Variants in SUGCT observed in about 807,000 individuals in gnomAD.
SUGCT encodes succinyl-CoA:glutarate CoA-transferase.
SUGCT carries 41 observed loss-of-function variants against 55.0 expected under a neutral mutation model. The ratio of observed to expected loss-of-function variants is 0.74; its 90% CI spans 0.58 to 0.97. The LOEUF (loss-of-function observed/expected upper bound fraction) is 0.97, where lower values mean the gene tolerates loss of function less well. Among genes scored for constraint, SUGCT ranks in the 50% least tolerant of loss-of-function variants. The probability of loss-of-function intolerance (pLI) is 0.00; values close to 1 mark genes in which losing one functional copy is unlikely to be tolerated. For missense variants in SUGCT, 568 were observed against 547.8 expected, an observed-to-expected ratio of 1.04 and a Z score of -0.37; for synonymous variants, 187 against 200.4, an observed-to-expected ratio of 0.93 and a Z score of 0.56.
intron 12 of SUGCT, among the ~76,000 whole-genome samples, chr7:40,703,545 A>C (rs563531073): frequency 6.6e-6 from 1 of 152,192 alleles, no homozygotes; most frequent in African/African-American, 2.4e-5. Flanking sequence ...GAAAAGTGAT[A>C]AACTCCTTTC....
chr7:40,510,474 T>C (rs1044965716), intron 12 of SUGCT, among the ~76,000 whole-genome samples: 3 of 152,106 alleles, frequency 2.0e-5, no homozygotes, highest in African/African-American at 4.8e-5. Context: ...AGAGTCTGCA[T>C]TGGTCGGGGT....
chr7:40,382,538 T>C (rs1393812895), intron 9 of SUGCT, among the ~76,000 whole-genome samples: 1 of 152,170 alleles, frequency 6.6e-6, no homozygotes, highest in African/African-American at 2.4e-5. Context: ...AAGATTGAAG[T>C]ATTTTGCTTT....
At chr7:40,565,987 ACACACG>A (rs1243707958) in intron 12 of SUGCT, among the ~76,000 whole-genome samples, 26 of 94,062 alleles carry the variant, frequency 2.8e-4, no homozygotes, top group African/African-American at 9.3e-4. Context: ...ACACACACAC[ACACACG>A]CACACACACA....
chr7:40,237,831 C>T (rs1789114155), intron 7 of SUGCT, 105 bp downstream of exon 7: 2 of 829,338 alleles, frequency 2.4e-6, no homozygotes, highest in South Asian at 4.1e-5. Context: ...TAGGTTGGGG[C>T]AAAAGTAATT....
intron 12 of SUGCT, among the ~76,000 whole-genome samples, chr7:40,601,137 C>G (rs776856636): frequency 6.6e-6 from 1 of 152,128 alleles, no homozygotes; most frequent in Non-Finnish European, 1.5e-5. Flanking sequence ...ATGTGCAGGA[C>G]CCTTTGAATG....
chr7:41,013,255 A>G, the SUGCT span, among the ~76,000 whole-genome samples: 1 of 152,168 alleles, frequency 6.6e-6, no homozygotes, highest in South Asian at 2.1e-4. Flanking sequence ...ATAGATCTGG[A>G]TGGCTTGGTA....
intron 1 of SUGCT, among the ~76,000 whole-genome samples, chr7:40,161,419 A>G (rs902958381): frequency 6.6e-6 from 1 of 152,142 alleles, no homozygotes; most frequent in African/African-American, 2.4e-5. Flanking sequence ...TTAACACTGC[A>G]ACACTCCACT....
chr7:40,470,175 G>A (rs1790331397), intron 11 of SUGCT, among the ~76,000 whole-genome samples: 1 of 152,026 alleles, frequency 6.6e-6, no homozygotes, highest in African/African-American at 2.4e-5. Context: ...AGAATCTGGA[G>A]TTTGACTCAG....
At chr7:40,161,406 C>G (rs1041869492) in intron 1 of SUGCT, among the ~76,000 whole-genome samples, 3 of 152,052 alleles carry the variant, frequency 2.0e-5, no homozygotes, top group Non-Finnish European at 4.4e-5. Context: ...TGTATTCACA[C>G]TCTTAACACT....
At chr7:40,307,044 T>C (rs144621849) in intron 8 of SUGCT, among the ~76,000 whole-genome samples, 1 of 152,358 alleles carries the variant, frequency 6.6e-6, no homozygotes, top group East Asian at 1.9e-4. Context: ...CTGCTGTTAA[T>C]GATAATTCAG....
intron 8 of SUGCT, among the ~76,000 whole-genome samples, chr7:40,315,767 A>G (rs1282742557): frequency 1.3e-5 from 2 of 152,124 alleles, no homozygotes; most frequent in African/African-American, 4.8e-5. Context: ...GACGATCTAG[A>G]AAGGGAAAAG....
the SUGCT span, among the ~76,000 whole-genome samples, chr7:40,899,974 T>TG: frequency 5.9e-5 from 9 of 152,136 alleles, no homozygotes; most frequent in Non-Finnish European, 7.3e-5. Context: ...TGCGGTGGGC[T>TG]GGGGGGTAGT....
At chr7:40,376,485 G>T (rs1361393770) in intron 9 of SUGCT, among the ~76,000 whole-genome samples, 1 of 151,394 alleles carries the variant, frequency 6.6e-6, no homozygotes, top group Admixed American at 6.6e-5. Context: ...TCTGCCTTCC[G>T]GGTTTAAGCG....
chr7:40,223,683 C>T (rs980800808), intron 6 of SUGCT, among the ~76,000 whole-genome samples: 14 of 152,166 alleles, frequency 9.2e-5, no homozygotes, highest in Admixed American at 2.6e-4. Context: ...ACTTTAATTG[C>T]TCTCACTTTG....
the SUGCT span, among the ~76,000 whole-genome samples, chr7:40,930,985 T>A: frequency 9.9e-5 from 15 of 152,234 alleles, no homozygotes; most frequent in Admixed American, 2.0e-4. Context: ...AGAGAGGGCA[T>A]CCCTGTCTTG....
chr7:40,777,043 T>C (rs2128733662), intron 13 of SUGCT, among the ~76,000 whole-genome samples: 1 of 152,314 alleles, frequency 6.6e-6, no homozygotes, highest in South Asian at 2.1e-4. Flanking sequence ...AGAAGCTCTA[T>C]TATGGTGTAA....
intron 12 of SUGCT, among the ~76,000 whole-genome samples, chr7:40,681,093 C>CT (rs1784217957): frequency 6.6e-6 from 1 of 152,120 alleles, no homozygotes; most frequent in Non-Finnish European, 1.5e-5. Context: ...GACATTTAGT[C>CT]TTTCTCTAAA....
chr7:40,244,193 A>AT (rs1230780078), intron 7 of SUGCT, among the ~76,000 whole-genome samples: 3 of 152,304 alleles, frequency 2.0e-5, no homozygotes, highest in African/African-American at 7.2e-5. Flanking sequence ...AAAATTAAAA[A>AT]ATATATATAA....
chr7:40,957,565 A>G, the SUGCT span, among the ~76,000 whole-genome samples: 1 of 150,244 alleles, frequency 6.7e-6, no homozygotes, highest in African/African-American at 2.5e-5. Flanking sequence ...TCTCCTGAAT[A>G]CAGCACACTG....
Sources: allele counts gnomAD v4.1 joint callset (sites outside exome capture counted in the v4.1 genomes callset), GRCh38; gene constraint gnomAD v4.1.1; transcripts MANE v1.5; gene names NCBI Gene and HGNC (gene_info 2026-07-23, HGNC 2026-07-21).